The following MACROD2 variants were observed in gnomAD, a reference collection of about 807,000 sequenced individuals.
MACROD2 encodes the protein ADP-ribose glycohydrolase MACROD2.
MACROD2 carries 36 observed loss-of-function variants against 70.4 expected under a neutral mutation model. That is an observed-to-expected ratio of 0.51 (90% CI 0.39 to 0.68). The LOEUF (loss-of-function observed/expected upper bound fraction) is 0.68. Among genes scored for constraint, MACROD2 ranks in the 30% least tolerant of loss-of-function variants. MACROD2 has a pLI of 0.00. For synonymous variants in MACROD2, 172 were observed against 178.8 expected, an observed-to-expected ratio of 0.96 and a Z score of 0.30; for missense variants, 496 against 538.4, an observed-to-expected ratio of 0.92 and a Z score of 0.78.
intron 5 of MACROD2, among the ~76,000 whole-genome samples, chr20:15,037,060 C>A (rs945534519): frequency 6.6e-6 from 1 of 151,916 alleles, no homozygotes; most frequent in Admixed American, 6.6e-5. Flanking sequence ...AGATTAAAGT[C>A]TCCTGCTTAG....
chr20:15,998,273 G>A (rs556480614), intron 15 of MACROD2, among the ~76,000 whole-genome samples: 9 of 152,228 alleles, frequency 5.9e-5, no homozygotes, highest in Admixed American at 1.3e-4. Flanking sequence ...TTCTTTAAAT[G>A]TTTGGTAGAA....
intron 2 of MACROD2, among the ~76,000 whole-genome samples, chr20:14,013,905 C>G (rs2052950515): frequency 6.6e-6 from 1 of 151,896 alleles, no homozygotes; most frequent in Non-Finnish European, 1.5e-5. Flanking sequence ...TGGTCTCGAC[C>G]TCAGGTGATC....
At chr20:15,602,230 C>T (rs772514602) in intron 8 of MACROD2, among the ~76,000 whole-genome samples, 23 of 152,106 alleles carry the variant, frequency 1.5e-4, no homozygotes, top group Non-Finnish European at 2.6e-4. Flanking sequence ...AGGTTGTATC[C>T]GCATTCTAGG....
rs114187961 is a variant in MACROD2 at position 15,447,834 on chromosome 20, A to G, written c.571+16399A>G. ...AAGCAGGAAAGAAATCTAATGGGGG[A>G]GTGACTCATGGTAAGAGATAGTGGC... On this transcript the variant is annotated intron_variant, in intron 7 of 17. Coordinates refer to ENST00000684519, the MANE Select transcript of MACROD2 (RefSeq NM_001351661.2). 3.7e-3 allele frequency among the ~76,000 whole-genome samples: 564 copies of G among 152,162 alleles called. 4 individuals carry two copies. Among genetic ancestry groups the G allele is most frequent in the African/African-American group, 0.013 (537 of 41,528 alleles).
At position 14,633,073 on chromosome 20, in the gene MACROD2, G is replaced by A. The variant is rs192998180; in HGVS notation, c.302-51770G>A. On this transcript the variant is annotated intron_variant, in intron 4 of 17. Coordinates refer to ENST00000684519, the MANE Select transcript of MACROD2 (RefSeq NM_001351661.2). ...TCTGCTGCGTTCCCGCAGAGGCCCT[G>A]GAGAGGAACCTTTCTCTTTCCTCTT... Among the ~76,000 whole-genome samples the A allele has an allele frequency of 3.9e-4, 60 of 152,356 alleles. 1 individual carries two copies. In the East Asian group the frequency reaches 0.011, roughly 27 times the overall value.
At chr20:14,043,391 G>A (rs1202466951) in intron 2 of MACROD2, among the ~76,000 whole-genome samples, 1 of 152,192 alleles carries the variant, frequency 6.6e-6, no homozygotes, top group African/African-American at 2.4e-5. Context: ...AGATGGATAG[G>A]GCAAGGTATA....
intron 4 of MACROD2, among the ~76,000 whole-genome samples, chr20:14,623,334 A>C (rs1392987372): frequency 6.6e-6 from 1 of 152,148 alleles, no homozygotes; most frequent in Non-Finnish European, 1.5e-5. Context: ...TATATGTTGG[A>C]CTGGATCCAG....
intron 4 of MACROD2, among the ~76,000 whole-genome samples, chr20:14,678,346 T>G (rs1173929736): frequency 1.3e-5 from 2 of 152,204 alleles, no homozygotes; most frequent in Non-Finnish European, 2.9e-5. Context: ...CTTGCTCATG[T>G]AGCCCAGGAA....
chr20:14,127,033 G>A (rs530175730), intron 3 of MACROD2, among the ~76,000 whole-genome samples: 1 of 152,286 alleles, frequency 6.6e-6, no homozygotes, highest in Admixed American at 6.5e-5. Flanking sequence ...TAAACATAGC[G>A]AGGAAGACAT....
At position 15,435,159 on chromosome 20, in the gene MACROD2, C is replaced by A. The variant is rs79265611; in HGVS notation, c.571+3724C>A. Among the ~76,000 whole-genome samples, 1,044 of 151,874 alleles carry A rather than the reference C, an allele frequency of 6.9e-3. 8 individuals are homozygous for A. Among genetic ancestry groups the A allele is most frequent in the African/African-American group, 0.023 (946 of 41,402 alleles). ...TGTAACCAAAAACCACATGTACCCC[C>A]AAAAATGTTGAAATAAAAATACAAT... On this transcript the variant is annotated intron_variant, in intron 7 of 17. Coordinates refer to ENST00000684519, the MANE Select transcript of MACROD2 (RefSeq NM_001351661.2).
chr20:14,978,678 C>T (rs1178176754), intron 5 of MACROD2, among the ~76,000 whole-genome samples: 1 of 133,486 alleles, frequency 7.5e-6, no homozygotes, highest in Non-Finnish European at 1.6e-5. Context: ...CCCTGTGGTC[C>T]ATTTCATCTC....
At chr20:15,055,300 G>T (rs1264536473) in intron 5 of MACROD2, among the ~76,000 whole-genome samples, 2 of 152,112 alleles carry the variant, frequency 1.3e-5, no homozygotes, top group Non-Finnish European at 2.9e-5. Context: ...TAAGGGCATG[G>T]TAATATAATA....
intron 5 of MACROD2, among the ~76,000 whole-genome samples, chr20:15,073,060 C>T (rs1363030121): frequency 6.6e-6 from 1 of 152,104 alleles, no homozygotes; most frequent in Non-Finnish European, 1.5e-5. Flanking sequence ...AAGAAGGCCT[C>T]TACCAGAAGC....
intron 7 of MACROD2, among the ~76,000 whole-genome samples, chr20:15,496,143 G>A (rs1191586311): frequency 1.3e-5 from 2 of 152,224 alleles, no homozygotes; most frequent in Non-Finnish European, 2.9e-5. Context: ...TGAAGCTAGA[G>A]TCGGCTTCAA....
intron 9 of MACROD2, among the ~76,000 whole-genome samples, chr20:15,876,514 T>C (rs1245041074): frequency 6.6e-6 from 1 of 152,174 alleles, no homozygotes; most frequent in African/African-American, 2.4e-5. Context: ...AGTCTATCAT[T>C]GTTGGACATT....
intron 3 of MACROD2, among the ~76,000 whole-genome samples, chr20:14,209,844 C>T (rs1242271203): frequency 6.6e-6 from 1 of 152,132 alleles, no homozygotes; most frequent in African/African-American, 2.4e-5. Context: ...GAAATGTAGT[C>T]CACTTTGTGC....
At chr20:14,619,189 C>T (rs1175728591) in intron 4 of MACROD2, among the ~76,000 whole-genome samples, 1 of 151,808 alleles carries the variant, frequency 6.6e-6, no homozygotes, top group Non-Finnish European at 1.5e-5. Context: ...AGTATTTTGT[C>T]TCAGGAGCCT....
intron 3 of MACROD2, among the ~76,000 whole-genome samples, chr20:14,305,591 G>T (rs1601455824): frequency 6.6e-6 from 1 of 152,072 alleles, no homozygotes; most frequent in Admixed American, 6.6e-5. Context: ...CTATAGTAGA[G>T]CATGGCATAC....
At chr20:15,479,110 C>T (rs1484130715) in intron 7 of MACROD2, among the ~76,000 whole-genome samples, 2 of 152,180 alleles carry the variant, frequency 1.3e-5, no homozygotes, top group African/African-American at 4.8e-5. Context: ...TAGATTAATG[C>T]TCACAAATCC....
Sources: gnomAD v4.1 joint callset for allele counts (sites outside exome capture counted in the v4.1 genomes callset) on GRCh38, gnomAD v4.1.1 for gene constraint, MANE v1.5 for transcripts, NCBI Gene and HGNC (gene_info 2026-07-23, HGNC 2026-07-21) for gene names.